Variants in KCTD3 observed in about 807,000 individuals in gnomAD.
KCTD3 encodes potassium channel tetramerization domain containing 3.
Under a neutral mutation model 85.8 loss-of-function variants are expected in KCTD3, and 41 were observed. The observed-to-expected ratio is 0.48, with a 90% CI of 0.37 to 0.62. The LOEUF (loss-of-function observed/expected upper bound fraction) is 0.62, where lower values mean the gene tolerates loss of function less well. KCTD3 is among the 20% of genes least tolerant of loss of function. The pLI is 0.00. For missense variants in KCTD3, 724 were observed against 989.9 expected (o/e 0.73, Z 3.60); for synonymous variants, 338 against 345.4 (o/e 0.98, Z 0.24).
chr1:215,609,286 G>C (rs1209855411), intron 14 of KCTD3, among the ~76,000 whole-genome samples: 3 of 151,974 alleles, frequency 2.0e-5, no homozygotes, highest in Non-Finnish European at 4.4e-5. Context: ...TCTAAGGTTG[G>C]AACATTCCTG....
At chr1:215,593,857 CTT>C (rs11362703) in intron 9 of KCTD3, among the ~76,000 whole-genome samples, 1,543 of 111,770 alleles carry the variant, frequency 0.014, 28 homozygotes, top group African/African-American at 0.051. Context: ...TGGAATACAA[CTT>C]TTTTTTTTTT....
Position 215,574,136 on chromosome 1 carries a change from TGATAC to T in KCTD3, c.183+19_183+23del. 1 of 1,498,244 alleles carries T rather than the reference TGATAC, an allele frequency of 6.7e-7. No individual in the cohort carries two copies. Among genetic ancestry groups the T allele is most frequent in the Non-Finnish European group, 9.2e-7 (1 of 1,086,432 alleles). 92.8% of individuals were successfully genotyped at this position (1,498,244 alleles called of 1,614,324 possible). Reference sequence around the variant, plus strand: ...CTGGTGCTGTGAGTATAATAATAATTGATACATATTCCTAAATTAATGCTTATAGT... The same window carrying T: ...CTGGTGCTGTGAGTATAATAATAATTATATTCCTAAATTAATGCTTATAGT... On this transcript the variant is annotated intron_variant, in intron 3 of 17. Transcript: ENST00000259154.
At chr1:215,601,636 T>TA (rs1654840069) in intron 10 of KCTD3, among the ~76,000 whole-genome samples, 1 of 152,056 alleles carries the variant, frequency 6.6e-6, no homozygotes, top group South Asian at 2.1e-4. Context: ...CTGTGGGAAA[T>TA]ACAATTTAAA....
intron 13 of KCTD3, among the ~76,000 whole-genome samples, chr1:215,607,502 T>C (rs17024959): frequency 0.053 from 8,017 of 152,074 alleles, 254 homozygotes; most frequent in East Asian, 0.088. Flanking sequence ...AATGCTCAGC[T>C]TTAGTACAGA....
At chr1:215,619,124 T>G (rs749780037) in intron 16 of KCTD3, 29 bp from the exon 17 acceptor site, 5 of 1,609,382 alleles carry the variant, frequency 3.1e-6, no homozygotes, top group Non-Finnish European at 4.2e-6. Context: ...TTCACTTAAG[T>G]GATTTTAATG....
At chr1:215,596,681 A>G (rs903642006) in intron 10 of KCTD3, among the ~76,000 whole-genome samples, 3 of 152,160 alleles carry the variant, frequency 2.0e-5, no homozygotes, top group Non-Finnish European at 2.9e-5. Flanking sequence ...AGCAAATTCA[A>G]ATACCTTTCA....
chr1:215,598,050 GT>G (rs1288518664), intron 10 of KCTD3, among the ~76,000 whole-genome samples: 1 of 151,796 alleles, frequency 6.6e-6, no homozygotes, highest in Admixed American at 6.6e-5. Flanking sequence ...AATGTATATT[GT>G]TTATACTAAG....
chr1:215,605,774 A>T (rs889775999), intron 13 of KCTD3, among the ~76,000 whole-genome samples: 21 of 152,054 alleles, frequency 1.4e-4, no homozygotes, highest in African/African-American at 4.8e-4. Flanking sequence ...TTCACCTCCC[A>T]CATAGTACAA....
At chr1:215,608,494 A>C (rs1655115468) in intron 14 of KCTD3, among the ~76,000 whole-genome samples, 1 of 151,916 alleles carries the variant, frequency 6.6e-6, no homozygotes, top group Non-Finnish European at 1.5e-5. Flanking sequence ...TGACATTTGA[A>C]ATTTTTTTTG....
At chr1:215,605,832 C>T (rs1654998326) in intron 13 of KCTD3, among the ~76,000 whole-genome samples, 1 of 152,046 alleles carries the variant, frequency 6.6e-6, no homozygotes, top group South Asian at 2.1e-4. Flanking sequence ...TGTCACAAAT[C>T]CAGTCACTTT....
intron 8 of KCTD3, chr1:215,580,947 T>G: frequency 2.1e-6 from 1 of 468,016 alleles, no homozygotes; most frequent in South Asian, 1.6e-5. Flanking sequence ...TAGTAATGAT[T>G]AAGTGCAGAC....
At chr1:215,615,496 T>C (rs929685541) in intron 15 of KCTD3, among the ~76,000 whole-genome samples, 2 of 151,872 alleles carry the variant, frequency 1.3e-5, no homozygotes, top group African/African-American at 4.8e-5. Flanking sequence ...GGCGGGTGCC[T>C]GTAGTCCCAG....
At chr1:215,595,540 T>TC in intron 10 of KCTD3, 69 bp downstream of exon 10, 1 of 978,320 alleles carries the variant, frequency 1.0e-6, no homozygotes, top group Non-Finnish European at 1.6e-6. Flanking sequence ...ATTTTTTTTT[T>TC]CCTTGTAGAA....
At chr1:215,587,632 G>A (rs866408747) in intron 9 of KCTD3, among the ~76,000 whole-genome samples, 41 of 152,114 alleles carry the variant, frequency 2.7e-4, no homozygotes, top group African/African-American at 9.2e-4. Flanking sequence ...ATCTATTTCT[G>A]CATTCAATCT....
At chr1:215,599,881 GCT>G (rs980183369) in intron 10 of KCTD3, among the ~76,000 whole-genome samples, 1 of 146,350 alleles carries the variant, frequency 6.8e-6, no homozygotes, top group African/African-American at 2.5e-5. Context: ...GGCTCCTGCT[GCT>G]CTTTCATTGA....
intron 8 of KCTD3, among the ~76,000 whole-genome samples, chr1:215,585,985 A>G (rs1036815965): frequency 6.6e-6 from 1 of 152,190 alleles, no homozygotes; most frequent in African/African-American, 2.4e-5. Context: ...TAGACTGTCC[A>G]TCTGAAGTAC....
chr1:215,619,360 A>G (rs1655577926), intron 17 of KCTD3, 69 bp downstream of exon 17: 1 of 1,283,560 alleles, frequency 7.8e-7, no homozygotes, highest in Non-Finnish European at 1.1e-6. Flanking sequence ...AAATATTGTA[A>G]TCACATAGTT....
chr1:215,572,928 T>G (rs1276238345), intron 1 of KCTD3, among the ~76,000 whole-genome samples: 1 of 152,208 alleles, frequency 6.6e-6, no homozygotes, highest in African/African-American at 2.4e-5. Context: ...GGTGATATCT[T>G]AAAATGAAAA....
At position 215,567,459 on chromosome 1, in the gene KCTD3, A is replaced by T; in HGVS notation, c.-227A>T. The T allele has an allele frequency of 4.3e-6, 1 of 231,330 alleles. No homozygotes were observed. The highest frequency in any genetic ancestry group is 8.2e-6 in the Non-Finnish European group (1 of 122,370). The allele number at this position is 231,330 out of a possible 1,614,324, so 14.3% of individuals were successfully genotyped here. ...GCGGCCTGGAGGCCGCGAAAGGTGG[A>T]GGCCGGGCCGCCCTTGTGCACCGCA... On this transcript the variant is annotated 5_prime_UTR_variant, in exon 1 of 18. Coordinates refer to ENST00000259154, the MANE Select transcript of KCTD3 (RefSeq NM_016121.5).
Sources: allele counts gnomAD v4.1 joint callset (sites outside exome capture counted in the v4.1 genomes callset), GRCh38; gene constraint gnomAD v4.1.1; transcripts MANE v1.5; gene names NCBI Gene and HGNC (gene_info 2026-07-23, HGNC 2026-07-21).